Variants in C6orf132 observed in about 807,000 individuals in gnomAD.
The protein encoded by C6orf132 is uncharacterized protein C6orf132.
Under a neutral mutation model 65.3 loss-of-function variants are expected in C6orf132, and 43 were observed. The observed-to-expected ratio is 0.66, with a 90% CI of 0.52 to 0.85. The LOEUF is 0.85. Ranked by LOEUF, C6orf132 falls within the 40% of genes least tolerant of loss-of-function variation. C6orf132 has a pLI of 0.00. For missense variants in C6orf132, 1,488 were observed against 1,548.8 expected (o/e 0.96, Z 0.66); for synonymous variants, 631 against 654.1 (o/e 0.96, Z 0.54).
In C6orf132 at chr6:42,103,534, C is replaced by A; in HGVS notation, c.*227G>T. 2.6e-6 allele frequency: 1 copy of A among 382,290 alleles called. No homozygotes were observed. The highest frequency in any genetic ancestry group is 3.8e-5 in the East Asian group (1 of 26,410). The allele number at this position is 382,290 out of a possible 1,614,324, so 23.7% of individuals were successfully genotyped here. On this transcript the variant is annotated 3_prime_UTR_variant, in exon 5 of 5. Coordinates refer to ENST00000341865, the MANE Select transcript of C6orf132 (RefSeq NM_001164446.3). ...CTACCCTCCTTCCCCTCCCACCCCC[C>A]ACGTGTAAACAGTCCACAGTCACAC...
chr6:42,103,415 C>T lies in C6orf132; in HGVS notation c.*346G>A, dbSNP rs951010676. 1.0e-5 allele frequency: 4 copies of T among 394,942 alleles called. No homozygotes were observed. Among genetic ancestry groups the T allele is most frequent in the Non-Finnish European group, 1.8e-5 (4 of 224,446 alleles). 24.5% of individuals were successfully genotyped at this position (394,942 alleles called of 1,614,324 possible). A position where few individuals can be genotyped will look rare whatever the true frequency, so the allele number is the denominator to read the frequency against. Reference sequence around the variant, plus strand: ...TGCTTTCAGAACCTGCTCAGTAGGCCGTGCTTGTAAAACTGTTTTAAATAA... The same window carrying T: ...TGCTTTCAGAACCTGCTCAGTAGGCTGTGCTTGTAAAACTGTTTTAAATAA... On this transcript the variant is annotated 3_prime_UTR_variant, in exon 5 of 5. Coordinates refer to ENST00000341865, the MANE Select transcript of C6orf132 (RefSeq NM_001164446.3).
Position 42,104,672 on chromosome 6 carries a change from A to G in C6orf132, c.3240T>C (p.Gly1080=). 6.7e-7 allele frequency: 1 copy of G among 1,503,414 alleles called. No homozygotes were observed. The highest frequency in any genetic ancestry group is 1.8e-4 in the Middle Eastern group (1 of 5,568). 93.1% of individuals were successfully genotyped at this position (1,503,414 alleles called of 1,614,324 possible). The change falls in exon 4 of 5, where the codon GGT becomes GGC. Residue 1080 remains glycine (G), a synonymous_variant. Transcript: ENST00000341865. This position sits in a 1 kb window ranked among gnomAD's most constrained non-coding sequence, Gnocchi z 4.1. ...EPHRGPGLPH[G]GTGRSLSSPN... is the part of the protein sequence containing the mutation. ...GAGAGCTCAGGCTGCGGCCGGTGCC[A>G]CCGTGGGGTAGCCCTGGGCCTCGGT... is the stretch of plus-strand genomic sequence containing the variant.
At chr6:42,119,079 A>G (rs1766635038) in intron 2 of C6orf132, among the ~76,000 whole-genome samples, 1 of 147,242 alleles carries the variant, frequency 6.8e-6, no homozygotes, top group Non-Finnish European at 1.5e-5. Flanking sequence ...AAAAAAAAAA[A>G]AAAAAGAAAA....
At position 42,107,359 on chromosome 6, in the gene C6orf132, T is replaced by C; in HGVS notation, c.553A>G (p.Ser185Gly). 1.1e-5 allele frequency: 3 copies of C among 276,710 alleles called. No homozygotes were observed. The highest frequency in any genetic ancestry group is 5.5e-5 in the South Asian group (2 of 36,246). The allele number at this position is 276,710 out of a possible 1,614,324, so 17.1% of individuals were successfully genotyped here. ...ACTGGGGGTGGAGGTGGGGCCATGC[T>C]GGGCGGGGGTGGGGGTTCCAGCAGC... ...PLLLEPPPPPSMAPPPPPVLE... is the reference protein window; with the variant it reads ...PLLLEPPPPPGMAPPPPPVLE... Residue 185 changes from serine (S) to glycine (G), a missense_variant, in exon 4 of 5, where the codon AGC becomes GGC. By Grantham distance (56) the Ser-to-Gly change is moderately conservative. Coordinates refer to ENST00000341865, the MANE Select transcript of C6orf132 (RefSeq NM_001164446.3).
At chr6:42,128,147 C>T (rs972513304) in intron 2 of C6orf132, among the ~76,000 whole-genome samples, 10 of 149,248 alleles carry the variant, frequency 6.7e-5, no homozygotes, top group Non-Finnish European at 9.0e-5. Context: ...AGGATGGTCT[C>T]GATCTCCTGA....
intron 1 of C6orf132, among the ~76,000 whole-genome samples, chr6:42,138,053 G>A (rs954656051): frequency 2.4e-4 from 37 of 152,220 alleles, no homozygotes; most frequent in South Asian, 1.5e-3. Context: ...TCGAGACTCC[G>A]TCTCAAAAAA....
chr6:42,141,373 G>GC (rs541031598), intron 1 of C6orf132, among the ~76,000 whole-genome samples: 4 of 152,036 alleles, frequency 2.6e-5, no homozygotes, highest in Admixed American at 6.5e-5. Context: ...GAAGCCCCCT[G>GC]CCCCCCCAAC....
At chr6:42,123,448 GAGAAGAAGGAGAAGGAGAAGA>G (rs770550583) in intron 2 of C6orf132, among the ~76,000 whole-genome samples, 2 of 43,702 alleles carry the variant, frequency 4.6e-5, no homozygotes, top group African/African-American at 2.7e-4. Context: ...GGAGAAGAAG[GAGAAGAAGGAGAAGGAGAAGA>G]AGGAGAAGGA....
Position 42,104,602 on chromosome 6 carries a change from C to T in C6orf132, c.3310G>A (p.Val1104Met). ...GGGGGCGCGCGACCCGCCGAGTTCA[C>T]GCGCCGCATCTCGGGGCCTCCGGGC... ...PQPGGPEMRRVNSAGRAPPGG... is the reference protein window; with the variant it reads ...PQPGGPEMRRMNSAGRAPPGG... Residue 1104 changes from valine (V) to methionine (M), a missense_variant, in exon 4 of 5, where the codon GTG becomes ATG. Val to Met is a conservative substitution (Grantham distance 21). Transcript: ENST00000341865. This position sits in a 1 kb window ranked among gnomAD's most constrained non-coding sequence, Gnocchi z 4.1. The T allele has an allele frequency of 7.4e-7, 1 of 1,343,328 alleles. No individual in the cohort carries two copies. The highest frequency in any genetic ancestry group is 9.5e-7 in the Non-Finnish European group (1 of 1,052,906). 83.2% of individuals were successfully genotyped at this position (1,343,328 alleles called of 1,614,324 possible).
intron 2 of C6orf132, among the ~76,000 whole-genome samples, chr6:42,123,831 G>A (rs4077070): frequency 0.073 from 11,157 of 152,244 alleles, 555 homozygotes; most frequent in Middle Eastern, 0.17. Flanking sequence ...GACAACTGCT[G>A]TAGTCCTACC....
rs1766374459 is a variant in C6orf132, at chr6:42,105,196, A to G, written c.2716T>C (p.Ser906Pro). 2.0e-6 allele frequency: 3 copies of G among 1,536,918 alleles called. No individual in the cohort carries two copies. The East Asian group carries it at 7.3e-5, about 38-fold the overall frequency. Residue 906 changes from serine to proline, a missense_variant, in exon 4 of 5, where the codon TCC becomes CCC. By Grantham distance (74) the Ser-to-Pro change is moderately conservative. Coordinates refer to ENST00000341865, the MANE Select transcript of C6orf132 (RefSeq NM_001164446.3). ...TTGGGTATTTCGGTCGTCAGCGGGG[A>G]GTCCTTCTCAGCCTCCTTGGGTAAC... ...PKLPKEAEKD[S>P]PLTTEIPNKW...
intron 1 of C6orf132, among the ~76,000 whole-genome samples, chr6:42,132,889 G>GAAAAGAAAAGAAAAGAA (rs1237413208): frequency 3.3e-5 from 5 of 151,160 alleles, no homozygotes; most frequent in African/African-American, 1.2e-4. Context: ...GAAAAGAAAA[G>GAAAAGAAAAGAAAAGAA]AAAAGGAGGT....
chr6:42,115,529 C>T (rs1169489694), intron 2 of C6orf132, among the ~76,000 whole-genome samples: 1 of 151,630 alleles, frequency 6.6e-6, no homozygotes, highest in African/African-American at 2.4e-5. Flanking sequence ...GCCTGTAGTC[C>T]CAGCTACTCG....
intron 2 of C6orf132, among the ~76,000 whole-genome samples, chr6:42,112,072 G>A (rs977577528): frequency 1.3e-5 from 2 of 152,116 alleles, no homozygotes; most frequent in Non-Finnish European, 2.9e-5. Context: ...ATGATGCTGG[G>A]CATTGGTCAG....
intron 1 of C6orf132, among the ~76,000 whole-genome samples, chr6:42,131,277 T>C (rs548219636): frequency 6.6e-6 from 1 of 152,234 alleles, no homozygotes; most frequent in Admixed American, 6.5e-5. Context: ...CACCTCAGCA[T>C]CCCAAACTGC....
chr6:42,122,132 G>C (rs1351926622), intron 2 of C6orf132, among the ~76,000 whole-genome samples: 1 of 152,164 alleles, frequency 6.6e-6, no homozygotes, highest in Non-Finnish European at 1.5e-5. Context: ...CCTCCTGGGG[G>C]CCAGAAAAGA....
chr6:42,109,511 G>A (rs1766465243), intron 3 of C6orf132, among the ~76,000 whole-genome samples: 1 of 152,168 alleles, frequency 6.6e-6, no homozygotes, highest in African/African-American at 2.4e-5. Flanking sequence ...GAAGGGAGGA[G>A]TGAGGGAGAC....
Position 42,102,858 on chromosome 6 carries a change from G to T in C6orf132, c.*903C>A. 1 of 391,356 alleles carries T rather than the reference G, an allele frequency of 2.6e-6. No individual in the cohort carries two copies. The highest frequency in any genetic ancestry group is 4.4e-5 in the Admixed American group (1 of 22,518). 24.2% of individuals were successfully genotyped at this position (391,356 alleles called of 1,614,324 possible). A position where few individuals can be genotyped will look rare whatever the true frequency, so the allele number is the denominator to read the frequency against. The stretch of plus-strand genomic sequence containing the variant: ...AGTATTGGTGACTTGTAGTATCAGT[G>T]TTAGGAAAAATGCCTTCTCCAAATC... On this transcript the variant is annotated 3_prime_UTR_variant, in exon 5 of 5. Coordinates refer to ENST00000341865, the MANE Select transcript of C6orf132 (RefSeq NM_001164446.3).
intron 2 of C6orf132, among the ~76,000 whole-genome samples, 195 bp downstream of exon 2, chr6:42,128,477 G>A (rs1384265118): frequency 1.3e-5 from 2 of 152,070 alleles, no homozygotes; most frequent in African/African-American, 2.4e-5. Context: ...CCCTGAACGA[G>A]CTGGCATTCC....
Sources: allele counts gnomAD v4.1 joint callset (sites outside exome capture counted in the v4.1 genomes callset), GRCh38; gene constraint gnomAD v4.1.1; non-coding constraint Gnocchi (gnomAD v3.1); transcripts MANE v1.5; gene names NCBI Gene and HGNC (gene_info 2026-07-23, HGNC 2026-07-21).